TTC28: variants seen among roughly 807,000 people sequenced by gnomAD.
The protein encoded by TTC28 is tetratricopeptide repeat protein 28.
In TTC28, 61 loss-of-function variants were observed where a neutral mutation model predicts 198.0. The ratio of observed to expected loss-of-function variants is 0.31; its 90% CI spans 0.25 to 0.38. The LOEUF is 0.38. TTC28 is among the 10% of genes least tolerant of loss of function. The probability of loss-of-function intolerance (pLI) is 1.00; values close to 1 mark genes in which losing one functional copy is unlikely to be tolerated. For missense variants in TTC28, 2,678 were observed against 3,164.0 expected, an observed-to-expected ratio of 0.85 and a Z score of 3.69; for synonymous variants, 1,171 against 1,297.8, an observed-to-expected ratio of 0.90 and a Z score of 2.10.
rs1040642984 is a variant in TTC28, at chr22:27,982,451, C to T, written c.7216G>A (p.Glu2406Lys). The T allele has an allele frequency of 1.9e-6, 3 of 1,551,504 alleles. No homozygotes were observed. Among genetic ancestry groups the T allele is most frequent in the Non-Finnish European group, 2.6e-6 (3 of 1,146,978 alleles). The change falls in exon 23 of 23, where the codon GAG becomes AAG. Residue 2406 changes from glutamate (E) to lysine (K), a missense_variant. Physicochemically the swap from Glu to Lys is moderately conservative, Grantham distance 56. This residue lies in a region of TTC28 where 622 missense variants were observed against 656.0 expected (regional missense o/e 0.95). Coordinates refer to ENST00000397906, the MANE Select transcript of TTC28 (RefSeq NM_001145418.2). The surrounding 1 kb of genome is among the most constrained non-coding windows in gnomAD (Gnocchi z 5.2). ...NLSPRHNKKE[E>K]GVDKLELKEL... ...TTCAGTTCAAGCTTATCCACTCCCT[C>T]CTCCTTCTTATTGTGCCGTGGTGAC...
intron 12 of TTC28, among the ~76,000 whole-genome samples, chr22:28,068,846 G>A (rs1035193693): frequency 6.6e-6 from 1 of 152,150 alleles, no homozygotes; most frequent in African/African-American, 2.4e-5. Flanking sequence ...CAAGCCAAAG[G>A]ACTTCTATTT....
intron 2 of TTC28, among the ~76,000 whole-genome samples, chr22:28,520,700 G>C (rs1038809063): frequency 3.3e-5 from 5 of 152,164 alleles, no homozygotes; most frequent in Non-Finnish European, 7.4e-5. Context: ...CAAGGCTGCA[G>C]TGAGATATGA....
intron 5 of TTC28, among the ~76,000 whole-genome samples, chr22:28,234,968 T>C (rs1045867458): frequency 1.3e-5 from 2 of 152,206 alleles, no homozygotes; most frequent in Non-Finnish European, 2.9e-5. Context: ...TTTTATGTTA[T>C]TGCCAAGGAA....
chr22:28,111,324 C>T (rs1439182809), intron 6 of TTC28, among the ~76,000 whole-genome samples: 2 of 152,148 alleles, frequency 1.3e-5, no homozygotes, highest in Admixed American at 6.5e-5. Context: ...AGGGTTTTTC[C>T]GAATCTGTCT....
chr22:28,181,765 C>T (rs1420235220), intron 5 of TTC28, among the ~76,000 whole-genome samples: 1 of 152,110 alleles, frequency 6.6e-6, no homozygotes, highest in African/African-American at 2.4e-5. Context: ...CCACTGTAGC[C>T]ATGCTATCTA....
At chr22:28,452,466 GTCTTT>G (rs1345799452) in intron 2 of TTC28, among the ~76,000 whole-genome samples, 2 of 151,174 alleles carry the variant, frequency 1.3e-5, no homozygotes, top group East Asian at 3.9e-4. Flanking sequence ...GGGAAAGTGG[GTCTTT>G]TCTTAATCCT....
At chr22:28,061,761 A>T (rs1377358461) in intron 12 of TTC28, among the ~76,000 whole-genome samples, 2 of 152,180 alleles carry the variant, frequency 1.3e-5, no homozygotes, top group Non-Finnish European at 1.5e-5. Flanking sequence ...GAAGAAAGTC[A>T]TTGGTAGCTT....
intron 3 of TTC28, among the ~76,000 whole-genome samples, chr22:28,300,929 G>A (rs1365389875): frequency 2.0e-5 from 3 of 152,162 alleles, no homozygotes; most frequent in African/African-American, 4.8e-5. Flanking sequence ...AAGTCACATA[G>A]CCTCAGTCTC....
chr22:28,198,281 C>T (rs1432953552), intron 5 of TTC28, among the ~76,000 whole-genome samples: 25 of 152,040 alleles, frequency 1.6e-4, no homozygotes, highest in Non-Finnish European at 2.4e-4. Context: ...CAACACACCC[C>T]CTCAAAATTT....
chr22:28,583,071 C>T (rs2050254905), intron 2 of TTC28, among the ~76,000 whole-genome samples: 1 of 152,132 alleles, frequency 6.6e-6, no homozygotes, highest in Non-Finnish European at 1.5e-5. Flanking sequence ...ATGAGAAATG[C>T]TGCATTTCTC....
chr22:28,592,573 T>C (rs1390237829), intron 2 of TTC28, among the ~76,000 whole-genome samples: 1 of 152,160 alleles, frequency 6.6e-6, no homozygotes, highest in African/African-American at 2.4e-5. Flanking sequence ...CGTCACAAGA[T>C]ATCTCTGCTC....
chr22:28,177,097 C>T (rs754908458), intron 5 of TTC28, among the ~76,000 whole-genome samples: 17 of 152,144 alleles, frequency 1.1e-4, no homozygotes, highest in Non-Finnish European at 1.8e-4. Flanking sequence ...AAGTCACAGA[C>T]GGCGAGAAAA....
intron 2 of TTC28, among the ~76,000 whole-genome samples, chr22:28,384,064 T>TA (rs2046536123): frequency 6.6e-6 from 1 of 152,198 alleles, no homozygotes; most frequent in African/African-American, 2.4e-5. Context: ...TGTGGGCTTT[T>TA]ACCCCAATGG....
chr22:28,184,780 AT>A (rs1269813081), intron 5 of TTC28, among the ~76,000 whole-genome samples: 1 of 152,110 alleles, frequency 6.6e-6, no homozygotes, highest in Non-Finnish European at 1.5e-5. Context: ...AATACTAAAA[AT>A]ATGTGCTAAG....
At chr22:28,006,825 C>T (rs1017512216) in intron 14 of TTC28, 11 of 152,242 alleles carry the variant, frequency 7.2e-5, no homozygotes, top group African/African-American at 2.7e-4. Context: ...TCGAGCTCTT[C>T]AGAAAGCACT....
At chr22:28,472,842 G>C (rs2040394809) in intron 2 of TTC28, among the ~76,000 whole-genome samples, 1 of 152,082 alleles carries the variant, frequency 6.6e-6, no homozygotes. Context: ...TCAAGCCATA[G>C]TAACAAGAAG....
At chr22:28,252,408 T>C (rs1210166710) in intron 5 of TTC28, among the ~76,000 whole-genome samples, 2 of 152,220 alleles carry the variant, frequency 1.3e-5, no homozygotes, top group African/African-American at 2.4e-5. Flanking sequence ...TGATGGTATA[T>C]ATTTCTACAA....
intron 5 of TTC28, among the ~76,000 whole-genome samples, chr22:28,274,112 C>T (rs1319914876): frequency 1.3e-5 from 2 of 152,104 alleles, no homozygotes; most frequent in Non-Finnish European, 2.9e-5. Context: ...CTAGCCTATG[C>T]TGTTGTAAGT....
rs146325847 is a variant in TTC28 at position 28,502,293 on chromosome 22, T to C, written c.381+127259A>G. ...CTGATTTCAATATCACTAGATATCA[T>C]TGGCTGGCTAGCAACACAGTAGGAA... On this transcript the variant is annotated intron_variant, in intron 2 of 22. Coordinates refer to ENST00000397906, the MANE Select transcript of TTC28 (RefSeq NM_001145418.2). 1.6e-4 allele frequency among the ~76,000 whole-genome samples: 24 copies of C among 152,248 alleles called. No homozygotes were observed. The East Asian group carries it at 3.9e-3, about 25-fold the overall frequency.
Sources: allele counts gnomAD v4.1 joint callset (sites outside exome capture counted in the v4.1 genomes callset), GRCh38; gene constraint gnomAD v4.1.1; regional missense constraint gnomAD v4.1.1; non-coding constraint Gnocchi (gnomAD v3.1); transcripts MANE v1.5; gene names NCBI Gene and HGNC (gene_info 2026-07-23, HGNC 2026-07-21).